The following GALNT18 variants were observed in gnomAD, a reference collection of about 807,000 sequenced individuals.
GALNT18 encodes the protein polypeptide N-acetylgalactosaminyltransferase 18.
Under a neutral mutation model 69.5 loss-of-function variants are expected in GALNT18, and 44 were observed. The observed-to-expected ratio is 0.63, with a 90% CI of 0.50 to 0.81. The LOEUF (loss-of-function observed/expected upper bound fraction) is 0.81, where lower values mean the gene tolerates loss of function less well. Among genes scored for constraint, GALNT18 ranks in the 40% least tolerant of loss-of-function variants. The probability of loss-of-function intolerance (pLI) is 0.00; values close to 1 mark genes in which losing one functional copy is unlikely to be tolerated. For missense variants in GALNT18, 715 were observed against 810.0 expected (o/e 0.88, Z 1.42); for synonymous variants, 364 against 318.2 (o/e 1.14, Z -1.53).
At position 11,416,969 on chromosome 11, in the gene GALNT18, G is replaced by A. The variant is rs187901745; in HGVS notation, c.595+15652C>T. On this transcript the variant is annotated intron_variant, in intron 3 of 10. Coordinates refer to ENST00000227756, the MANE Select transcript of GALNT18 (RefSeq NM_198516.3). ...CCACCTGACTGACAAGCTGTCCTAA[G>A]TGACCCTTCCTCTATGTGACTCCTC... 2.0e-5 allele frequency among the ~76,000 whole-genome samples: 3 copies of A among 152,346 alleles called. No individual in the cohort carries two copies. The East Asian group carries it at 5.8e-4, about 29-fold the overall frequency.
At chr11:11,364,671 G>C (rs992521380) in intron 6 of GALNT18, among the ~76,000 whole-genome samples, 1 of 152,176 alleles carries the variant, frequency 6.6e-6, no homozygotes, top group African/African-American at 2.4e-5. Context: ...AAACTTATGA[G>C]AGAATTAGAA....
chr11:11,303,481 T>TGACTC (rs1849530899), intron 9 of GALNT18, among the ~76,000 whole-genome samples: 1 of 152,092 alleles, frequency 6.6e-6, no homozygotes, highest in Non-Finnish European at 1.5e-5. Flanking sequence ...TAGAGAAACC[T>TGACTC]GACTCAAGAC....
intron 1 of GALNT18, among the ~76,000 whole-genome samples, chr11:11,553,259 C>A (rs1409628665): frequency 1.3e-5 from 2 of 152,204 alleles, no homozygotes; most frequent in Non-Finnish European, 2.9e-5. Context: ...GATTAGTTAT[C>A]TTCCCATGCC....
intron 9 of GALNT18, among the ~76,000 whole-genome samples, chr11:11,308,071 T>G (rs550647010): frequency 8.3e-4 from 126 of 152,310 alleles, no homozygotes; most frequent in Non-Finnish European, 1.5e-3. Flanking sequence ...AACTTCCTTA[T>G]GGCTTTACCT....
intron 1 of GALNT18, among the ~76,000 whole-genome samples, chr11:11,532,226 G>A (rs1857668255): frequency 6.6e-6 from 1 of 152,186 alleles, no homozygotes; most frequent in Non-Finnish European, 1.5e-5. Context: ...GCGGAGAGGA[G>A]AGAGGAACAA....
Position 11,293,163 on chromosome 11 carries a change from G to C in GALNT18, c.1543C>G (p.His515Asp). The change falls in exon 10 of 11, where the codon CAT becomes GAT. Residue 515 changes from histidine to aspartate, a missense_variant. Transcript: ENST00000227756. ...ACGGTGGGGCTCAGAATGCCCACAT[G>C]GATCTGCTGACTGCTCGTGTAGTAC... is the stretch of plus-strand genomic sequence containing the variant. ...NVYYTSSQQI[H>D]VGILSPTVDD... 1 of 1,343,750 alleles carries C rather than the reference G, an allele frequency of 7.4e-7. No individual in the cohort carries two copies. Among genetic ancestry groups the C allele is most frequent in the Non-Finnish European group, 9.6e-7 (1 of 1,037,508 alleles). 83.2% of individuals were successfully genotyped at this position (1,343,750 alleles called of 1,614,324 possible).
intron 6 of GALNT18, among the ~76,000 whole-genome samples, chr11:11,345,966 C>T (rs906889147): frequency 5.3e-5 from 8 of 152,302 alleles, no homozygotes; most frequent in Middle Eastern, 3.4e-3. Flanking sequence ...AGGCTTCTGA[C>T]GGGCACTGAG....
At position 11,459,014 on chromosome 11, in the gene GALNT18, AC is replaced by A. The variant is rs1213588458; in HGVS notation, c.236-10079del. On this transcript the variant is annotated intron_variant, in intron 1 of 10. Transcript: ENST00000227756. This position sits in a 1 kb window ranked among gnomAD's most constrained non-coding sequence, Gnocchi z 5.0. Reference sequence around the variant, plus strand: ...CTTGAGCGAGAAGGGGGACTTCGGCACATCATAGCGGTACTCTTCTTATATC... The same window carrying A: ...CTTGAGCGAGAAGGGGGACTTCGGCAATCATAGCGGTACTCTTCTTATATC... Among the ~76,000 whole-genome samples the A allele has an allele frequency of 6.6e-6, 1 of 152,192 alleles. No individual in the cohort carries two copies. Among genetic ancestry groups the A allele is most frequent in the African/African-American group, 2.4e-5 (1 of 41,448 alleles).
intron 9 of GALNT18, among the ~76,000 whole-genome samples, chr11:11,308,649 T>C (rs1418787063): frequency 1.3e-5 from 2 of 152,156 alleles, no homozygotes; most frequent in Non-Finnish European, 1.5e-5. Context: ...TCCTCTCCCC[T>C]GGTGCCTCTT....
intron 6 of GALNT18, among the ~76,000 whole-genome samples, chr11:11,345,981 A>G (rs1224423835): frequency 6.6e-6 from 1 of 152,176 alleles, no homozygotes; most frequent in East Asian, 1.9e-4. Context: ...ACTGAGCAAC[A>G]CGTTCCTTGA....
intron 10 of GALNT18, among the ~76,000 whole-genome samples, chr11:11,283,339 G>T (rs981129958): frequency 6.6e-6 from 1 of 152,128 alleles, no homozygotes; most frequent in African/African-American, 2.4e-5. Flanking sequence ...GAGAGATGGA[G>T]TTTTGCCATG....
chr11:11,585,651 C>T (rs955354742), intron 1 of GALNT18, among the ~76,000 whole-genome samples: 12 of 152,048 alleles, frequency 7.9e-5, no homozygotes, highest in South Asian at 2.1e-4. Flanking sequence ...CCACCGCGCC[C>T]GGCCGAAAAA....
At chr11:11,482,288 C>T (rs1185035466) in intron 1 of GALNT18, among the ~76,000 whole-genome samples, 2 of 152,352 alleles carry the variant, frequency 1.3e-5, no homozygotes, top group East Asian at 1.9e-4. Context: ...GCAGTGGGCA[C>T]GCCGTCACTG....
In GALNT18 at chr11:11,564,746, C is replaced by T. The variant is rs1466877344; in HGVS notation, c.235+56613G>A. The stretch of plus-strand genomic sequence containing the variant: ...TTTGCCTAGACTATCCCTGGTCAAC[C>T]TTTACTCTAGGTTGTGCTGTTGGTA... On this transcript the variant is annotated intron_variant, in intron 1 of 10. Transcript: ENST00000227756. This position sits in a 1 kb window ranked among gnomAD's most constrained non-coding sequence, Gnocchi z 4.3. Among the ~76,000 whole-genome samples the T allele has an allele frequency of 6.6e-6, 1 of 152,200 alleles. No individual in the cohort carries two copies.
At chr11:11,498,607 T>C (rs943630651) in intron 1 of GALNT18, among the ~76,000 whole-genome samples, 2 of 152,212 alleles carry the variant, frequency 1.3e-5, no homozygotes, top group African/African-American at 4.8e-5. Flanking sequence ...GCAACCAGCC[T>C]GGGCAACACG....
At chr11:11,360,173 C>A (rs146209014) in intron 6 of GALNT18, among the ~76,000 whole-genome samples, 2 of 152,204 alleles carry the variant, frequency 1.3e-5, no homozygotes, top group Non-Finnish European at 2.9e-5. Flanking sequence ...AAATCTCAGA[C>A]GTCCCAGACC....
chr11:11,519,309 G>A (rs7122263), intron 1 of GALNT18, among the ~76,000 whole-genome samples: 41,006 of 152,132 alleles, frequency 0.27, 6,394 homozygotes, highest in Middle Eastern at 0.43. Flanking sequence ...GCTAGCAAAA[G>A]GGGGGAGCCA....
chr11:11,425,436 A>G lies in GALNT18; in HGVS notation c.595+7185T>C, dbSNP rs572799640. Among the ~76,000 whole-genome samples the G allele has an allele frequency of 6.6e-4, 100 of 152,334 alleles. 2 individuals carry two copies. In the South Asian group the frequency reaches 0.02, roughly 31 times the overall value. ...CAACCCAGAGCAGACAGACATCTCC[A>G]GGGTATGGGATTCTTAAAAGAATAT... On this transcript the variant is annotated intron_variant, in intron 3 of 10. Coordinates refer to ENST00000227756, the MANE Select transcript of GALNT18 (RefSeq NM_198516.3).
intron 1 of GALNT18, among the ~76,000 whole-genome samples, chr11:11,453,326 C>T (rs1474736755): frequency 6.6e-6 from 1 of 152,164 alleles, no homozygotes; most frequent in Non-Finnish European, 1.5e-5. Context: ...CCAGCACTCA[C>T]CTCCCATCTC....
Sources: gnomAD v4.1 joint callset for allele counts (sites outside exome capture counted in the v4.1 genomes callset) on GRCh38, gnomAD v4.1.1 for gene constraint, Gnocchi (gnomAD v3.1) non-coding constraint, MANE v1.5 for transcripts, NCBI Gene and HGNC (gene_info 2026-07-23, HGNC 2026-07-21) for gene names.